Variants in CARD14 observed in about 807,000 individuals in gnomAD.
CARD14 encodes caspase recruitment domain family member 14, also known as caspase recruitment domain-containing protein 14.
A neutral mutation model predicts 111.5 loss-of-function variants in CARD14; 107 were observed. The observed-to-expected ratio is 0.96, with a 90% CI of 0.82 to 1.13. CARD14 has a LOEUF of 1.13. CARD14 is among the 50% of genes most tolerant of loss of function. The pLI is 0.00. For synonymous variants in CARD14, 617 were observed against 579.6 expected, an observed-to-expected ratio of 1.06 and a Z score of -0.93; for missense variants, 1,322 against 1,362.3, an observed-to-expected ratio of 0.97 and a Z score of 0.47.
chr17:80,189,940 T>C lies in CARD14; in HGVS notation c.963+68T>C, dbSNP rs1421397516. 2 of 1,526,868 alleles carry C rather than the reference T, an allele frequency of 1.3e-6. No individual in the cohort carries two copies. Among genetic ancestry groups the C allele is most frequent in the Non-Finnish European group, 1.7e-6 (2 of 1,150,480 alleles). 94.6% of individuals were successfully genotyped at this position (1,526,868 alleles called of 1,614,324 possible). ...TGTCTCAGGGGTGCGGACAGGTCTG[T>C]GGGGAAGCCAGATTCCTTCATCCAC... On this transcript the variant is annotated intron_variant, in intron 9 of 23. Transcript: ENST00000648509. This position sits in a 1 kb window ranked among gnomAD's most constrained non-coding sequence, Gnocchi z 4.7.
At position 80,184,085 on chromosome 17, in the gene CARD14, G is replaced by A. The variant is rs1483435293; in HGVS notation, c.522G>A (p.Glu174=). 5 of 1,584,718 alleles carry A rather than the reference G, an allele frequency of 3.2e-6. No homozygotes were observed. Among genetic ancestry groups the A allele is most frequent in the Non-Finnish European group, 3.4e-6 (4 of 1,166,284 alleles). The change falls in exon 7 of 24, where the codon GAG becomes GAA. Residue 174 remains glutamate (E), a synonymous_variant. Transcript: ENST00000648509. The part of the protein sequence containing the change: ...ETRAEGLHQL[E]ADHSRMKREV... ...GTGCCGAGGGCCTGCACCAGCTGGA[G>A]GCTGACCACAGCCGCATGAAGCGTG...
rs534276030 is a variant in CARD14, at chr17:80,204,155, T to C, written c.2284-72T>C. The C allele has an allele frequency of 1.3e-5, 19 of 1,444,828 alleles. No homozygotes were observed. In the East Asian group the frequency reaches 4.0e-4, roughly 30 times the overall value. The allele number at this position is 1,444,828 out of a possible 1,614,324, so 89.5% of individuals were successfully genotyped here. Reference sequence around the variant, plus strand: ...TCCCAGGTCGCCCTAGTGCCAATCATCTCCCCTGAATTCCCATTCCTGTTG... The same window carrying C: ...TCCCAGGTCGCCCTAGTGCCAATCACCTCCCCTGAATTCCCATTCCTGTTG... On this transcript the variant is annotated intron_variant, in intron 19 of 23. Coordinates refer to ENST00000648509, the MANE Select transcript of CARD14 (RefSeq NM_001366385.1).
rs759018513 is a variant in CARD14 at position 80,202,382 on chromosome 17, G to A, written c.2181G>A (p.Lys727=). 1.2e-6 allele frequency: 2 copies of A among 1,613,196 alleles called. No individual in the cohort carries two copies. Among genetic ancestry groups the A allele is most frequent in the South Asian group, 2.2e-5 (2 of 91,072 alleles). Residue 727 remains lysine, a synonymous_variant, in exon 18 of 24, where the codon AAG becomes AAA. Transcript: ENST00000648509. The part of the protein sequence containing the change: ...HAHRVNSYTM[K]DTAAHGTIPN... ...ACCGCGTGAACTCTTACACCATGAA[G>A]GATACTGCCGCGCACGGCACCATCC...
Position 80,198,162 on chromosome 17 carries a change from G to C in CARD14, c.1658G>C (p.Ser553Thr). 1 of 1,613,860 alleles carries C rather than the reference G, an allele frequency of 6.2e-7. No individual in the cohort carries two copies. Among genetic ancestry groups the C allele is most frequent in the Non-Finnish European group, 8.5e-7 (1 of 1,179,996 alleles). ...VSPGRLDVSE[S>T]GVLMRRRPAR... ...CCTGGAAGGCTTGATGTCTCGGAGA[G>C]GTAAGCAGCAGGTGGGAATCCTCCG... The change falls in exon 15 of 24, where the codon AGC (serine) becomes ACC (threonine). Residue 553 changes from serine to threonine, a missense_variant and splice_region_variant. Ser to Thr is a moderately conservative substitution (Grantham distance 58). Coordinates refer to ENST00000648509, the MANE Select transcript of CARD14 (RefSeq NM_001366385.1). This position sits in a 1 kb window ranked among gnomAD's most constrained non-coding sequence, Gnocchi z 7.5.
Position 80,201,977 on chromosome 17 carries a change from C to T in CARD14, c.1978+107C>T. Reference sequence around the variant, plus strand: ...CCCAGCAGCCAGGGACCCCCAGAGCCAAGAGAGGATCAGCCAGGCTGTGCC... The same window carrying T: ...CCCAGCAGCCAGGGACCCCCAGAGCTAAGAGAGGATCAGCCAGGCTGTGCC... On this transcript the variant is annotated intron_variant, in intron 17 of 23. Coordinates refer to ENST00000648509, the MANE Select transcript of CARD14 (RefSeq NM_001366385.1). The surrounding 1 kb of genome is among the most constrained non-coding windows in gnomAD (Gnocchi z 5.0). 1 of 1,426,408 alleles carries T rather than the reference C, an allele frequency of 7.0e-7. No individual in the cohort carries two copies. The allele number at this position is 1,426,408 out of a possible 1,614,324, so 88.4% of individuals were successfully genotyped here. A position where few individuals can be genotyped will look rare whatever the true frequency, so the allele number is the denominator to read the frequency against.
At chr17:80,191,566 T>G in intron 11 of CARD14, 94 bp downstream of exon 11, 2 of 1,497,138 alleles carry the variant, frequency 1.3e-6, no homozygotes, top group Non-Finnish European at 1.8e-6. Context: ...ATGGAGGCAC[T>G]GGGAGGACAG....
rs2144249592 is a variant in CARD14 at position 80,189,833 on chromosome 17, G to A, written c.924G>A (p.Leu308=). The change falls in exon 9 of 24, where the codon CTG becomes CTA. Residue 308 remains leucine, a synonymous_variant. Coordinates refer to ENST00000648509, the MANE Select transcript of CARD14 (RefSeq NM_001366385.1). The surrounding 1 kb of genome is among the most constrained non-coding windows in gnomAD (Gnocchi z 4.7). ...RQELVERIHS[L]RERAVAAERQ... ...AGCTGGTGGAGCGCATCCACTCGCTGCGGGAGCGGGCCGTGGCTGCCGAGA... is the reference window on the plus strand; with the variant it reads ...AGCTGGTGGAGCGCATCCACTCGCTACGGGAGCGGGCCGTGGCTGCCGAGA... The A allele has an allele frequency of 6.3e-7, 1 of 1,589,180 alleles. No individual in the cohort carries two copies.
intron 16 of CARD14, among the ~76,000 whole-genome samples, chr17:80,200,417 A>G (rs2040913123): frequency 6.6e-6 from 1 of 151,680 alleles, no homozygotes; most frequent in South Asian, 2.1e-4. Flanking sequence ...TTGTATTTTT[A>G]GTAGAGACAG....
Position 80,180,192 on chromosome 17 carries a change from A to G in CARD14, c.-21+891A>G, listed in dbSNP as rs558244685. Among the ~76,000 whole-genome samples, 22 of 152,240 alleles carry G rather than the reference A, an allele frequency of 1.4e-4. No individual in the cohort carries two copies. The East Asian group carries it at 4.1e-3, about 28-fold the overall frequency. On this transcript the variant is annotated intron_variant, in intron 4 of 23. Coordinates refer to ENST00000648509, the MANE Select transcript of CARD14 (RefSeq NM_001366385.1). ...CAGGTGACGGCTGAGGACCTCCAACAGCTCTTAGAGTCTGCACTAGCCAGC... is the reference window on the plus strand; with the variant it reads ...CAGGTGACGGCTGAGGACCTCCAACGGCTCTTAGAGTCTGCACTAGCCAGC...
Position 80,203,726 on chromosome 17 carries a change from C to T in CARD14, c.2220-96C>T, listed in dbSNP as rs1322594071. ...TCTAGGTGGAGGCCCTTCTCTCCCA[C>T]CCGGCCATCTCCCCCACTCTCCCCT... is the stretch of plus-strand genomic sequence containing the variant. On this transcript the variant is annotated intron_variant, in intron 18 of 23. Transcript: ENST00000648509. This position sits in a 1 kb window ranked among gnomAD's most constrained non-coding sequence, Gnocchi z 4.6. The T allele has an allele frequency of 8.1e-6, 7 of 863,384 alleles. No homozygotes were observed. Among genetic ancestry groups the T allele is most frequent in the Non-Finnish European group, 1.3e-5 (7 of 552,178 alleles). The allele number at this position is 863,384 out of a possible 1,614,324, so 53.5% of individuals were successfully genotyped here.
chr17:80,206,230 C>G (rs8068719), intron 22 of CARD14, among the ~76,000 whole-genome samples: 73,411 of 152,044 alleles, frequency 0.48, 18,890 homozygotes, highest in Non-Finnish European at 0.58. Context: ...TTTGGGAACC[C>G]GAGGTGGGAG....
chr17:80,174,186 CA>C (rs2039972740), intron 2 of CARD14, among the ~76,000 whole-genome samples: 1 of 152,062 alleles, frequency 6.6e-6, no homozygotes, highest in African/African-American at 2.4e-5. Context: ...ACGGAAAATA[CA>C]ATAAAATAAA....
intron 1 of CARD14, among the ~76,000 whole-genome samples, chr17:80,171,488 GT>G (rs2039903908): frequency 6.6e-6 from 1 of 151,698 alleles, no homozygotes. Flanking sequence ...CAGCCCTAAG[GT>G]TTTTTGTTTT....
At position 80,202,171 on chromosome 17, in the gene CARD14, T is replaced by G; in HGVS notation, c.1979-9T>G. The G allele has an allele frequency of 6.2e-7, 1 of 1,605,760 alleles. No individual in the cohort carries two copies. Among genetic ancestry groups the G allele is most frequent in the Non-Finnish European group, 8.5e-7 (1 of 1,173,270 alleles). Reference sequence around the variant, plus strand: ...TGGCTCATCTGTGGCTCATGTCCCCTTTTATCAGGTTATAAGAGGCTACTC... The same window carrying G: ...TGGCTCATCTGTGGCTCATGTCCCCGTTTATCAGGTTATAAGAGGCTACTC... On this transcript the variant is annotated splice_polypyrimidine_tract_variant and intron_variant, in intron 17 of 23. Coordinates refer to ENST00000648509, the MANE Select transcript of CARD14 (RefSeq NM_001366385.1).
intron 22 of CARD14, 110 bp downstream of exon 22, chr17:80,205,762 C>T: frequency 1.7e-6 from 2 of 1,200,568 alleles, no homozygotes; most frequent in South Asian, 3.3e-5. Context: ...CCTGGGTGAC[C>T]TTGTCGCCGA....
intron 2 of CARD14, among the ~76,000 whole-genome samples, chr17:80,176,722 G>A (rs8077099): frequency 1.4e-3 from 216 of 152,238 alleles, no homozygotes; most frequent in African/African-American, 5.0e-3. Context: ...TTCTGAATAC[G>A]TTTTTAAAAC....
rs567315820 is a variant in CARD14, at chr17:80,198,400, G to C, written c.1660G>C (p.Gly554Arg). 5 of 1,598,572 alleles carry C rather than the reference G, an allele frequency of 3.1e-6. No individual in the cohort carries two copies. Among genetic ancestry groups the C allele is most frequent in the Non-Finnish European group, 4.3e-6 (5 of 1,170,080 alleles). The change falls in exon 16 of 24, where the codon GGC becomes CGC. Residue 554 changes from glycine to arginine, a missense_variant and splice_region_variant. By Grantham distance (125) the Gly-to-Arg change is moderately radical. Coordinates refer to ENST00000648509, the MANE Select transcript of CARD14 (RefSeq NM_001366385.1). The surrounding 1 kb of genome is among the most constrained non-coding windows in gnomAD (Gnocchi z 7.5). ...AGCCGGTCGTCTCCCGGCCTGCAGC[G>C]GCGTCCTCATGCGGCGGAGGCCAGC... ...SPGRLDVSES[G>R]VLMRRRPARR...
At chr17:80,170,839 C>G (rs1387600532) in intron 1 of CARD14, among the ~76,000 whole-genome samples, 1 of 103,048 alleles carries the variant, frequency 9.7e-6, no homozygotes, top group Non-Finnish European at 2.1e-5. Context: ...CCTCTCCTCC[C>G]CTCCCCTCTT....
At chr17:80,181,136 T>C (rs2144145281) in intron 4 of CARD14, among the ~76,000 whole-genome samples, 1 of 151,402 alleles carries the variant, frequency 6.6e-6, no homozygotes, top group South Asian at 2.1e-4. Context: ...TAGAAAAAGC[T>C]GTAACTGACA....
Sources: gnomAD v4.1 joint callset for allele counts (sites outside exome capture counted in the v4.1 genomes callset) on GRCh38, gnomAD v4.1.1 for gene constraint, Gnocchi (gnomAD v3.1) non-coding constraint, MANE v1.5 for transcripts, NCBI Gene and HGNC (gene_info 2026-07-23, HGNC 2026-07-21) for gene names.